The following PRKAG2 variants were observed in gnomAD, a reference collection of about 807,000 sequenced individuals.
PRKAG2 encodes protein kinase AMP-activated non-catalytic subunit gamma 2.
PRKAG2 carries 26 observed loss-of-function variants against 69.6 expected under a neutral mutation model. The ratio of observed to expected loss-of-function variants is 0.37; its 90% CI spans 0.27 to 0.52. The LOEUF (loss-of-function observed/expected upper bound fraction) is 0.52. Ranked by LOEUF, PRKAG2 falls within the 20% of genes least tolerant of loss-of-function variation. The probability of loss-of-function intolerance (pLI) is 0.90; values close to 1 mark genes in which losing one functional copy is unlikely to be tolerated. For missense variants in PRKAG2, 557 were observed against 740.0 expected (o/e 0.75, Z 2.87); for synonymous variants, 293 against 285.0 (o/e 1.03, Z -0.28).
chr7:151,706,784 C>A (rs542601716), intron 3 of PRKAG2, among the ~76,000 whole-genome samples: 4 of 152,232 alleles, frequency 2.6e-5, no homozygotes, highest in African/African-American at 9.6e-5. Flanking sequence ...GTCTAGAATA[C>A]GTTCCGGCAA....
intron 4 of PRKAG2, among the ~76,000 whole-genome samples, chr7:151,672,406 G>T (rs552524531): frequency 4.1e-4 from 62 of 152,252 alleles, no homozygotes; most frequent in Non-Finnish European, 6.2e-4. Flanking sequence ...CCATTCGAAC[G>T]ATTTTCAAGT....
chr7:151,664,655 T>C (rs1440327540), intron 4 of PRKAG2, among the ~76,000 whole-genome samples: 1 of 152,238 alleles, frequency 6.6e-6, no homozygotes, highest in Non-Finnish European at 1.5e-5. Flanking sequence ...TAAGGTCTAC[T>C]GCATACCTAG....
At chr7:151,862,248 G>A (rs2079948496) in intron 1 of PRKAG2, among the ~76,000 whole-genome samples, 1 of 152,116 alleles carries the variant, frequency 6.6e-6, no homozygotes, top group Admixed American at 6.6e-5. Flanking sequence ...CAAGTGGGAG[G>A]TGAAGGAAAA....
rs888650460 is a variant in PRKAG2 at position 151,788,070 on chromosome 7, C to T, written c.115-1529G>A. 2.6e-5 allele frequency among the ~76,000 whole-genome samples: 4 copies of T among 152,160 alleles called. No individual in the cohort carries two copies. Among genetic ancestry groups the T allele is most frequent in the African/African-American group, 4.8e-5 (2 of 41,434 alleles). Reference sequence around the variant, plus strand: ...CTAGCAAACCAATATAATAGGTGTACGAATATCTCTTCAGGACCCTGCTTT... The same window carrying T: ...CTAGCAAACCAATATAATAGGTGTATGAATATCTCTTCAGGACCCTGCTTT... On this transcript the variant is annotated intron_variant, in intron 1 of 15. Coordinates refer to ENST00000287878, the MANE Select transcript of PRKAG2 (RefSeq NM_016203.4). This position sits in a 1 kb window ranked among gnomAD's most constrained non-coding sequence, Gnocchi z 4.6.
intron 1 of PRKAG2, chr7:151,810,388 A>T (rs1250575119): frequency 6.6e-6 from 1 of 152,294 alleles, no homozygotes; most frequent in Non-Finnish European, 1.5e-5. Context: ...CTGATTCTGC[A>T]GCTGGTTCTC....
chr7:151,799,185 T>C (rs60146500), intron 1 of PRKAG2, among the ~76,000 whole-genome samples: 25,108 of 152,168 alleles, frequency 0.17, 2,455 homozygotes, highest in Non-Finnish European at 0.23. Flanking sequence ...GGCCCTTCTG[T>C]TACAGGTGGG....
rs1235585524 is a variant in PRKAG2, at chr7:151,771,271, A to G, written c.466+9881T>C. ...TTTACATTTTTGGCATTTTAAAATA[A>G]AACATTATATCACTTCTATCAGCAC... On this transcript the variant is annotated intron_variant, in intron 3 of 15. Coordinates refer to ENST00000287878, the MANE Select transcript of PRKAG2 (RefSeq NM_016203.4). This position sits in a 1 kb window ranked among gnomAD's most constrained non-coding sequence, Gnocchi z 4.0. Among the ~76,000 whole-genome samples the G allele has an allele frequency of 6.6e-6, 1 of 152,214 alleles. No homozygotes were observed. The highest frequency in any genetic ancestry group is 2.4e-5 in the African/African-American group (1 of 41,450).
chr7:151,872,897 C>T (rs1162846687), intron 1 of PRKAG2, among the ~76,000 whole-genome samples: 1 of 152,246 alleles, frequency 6.6e-6, no homozygotes, highest in African/African-American at 2.4e-5. Context: ...AGGAGGGGGT[C>T]CTCACGCCTT....
At position 151,808,673 on chromosome 7, in the gene PRKAG2, C is replaced by T. The variant is rs551272056; in HGVS notation, c.115-22132G>A. On this transcript the variant is annotated intron_variant, in intron 1 of 15. Coordinates refer to ENST00000287878, the MANE Select transcript of PRKAG2 (RefSeq NM_016203.4). Reference sequence around the variant, plus strand: ...GGGAGATGGTTCTCATAGATCAAGTCGGGCTTTGAGAAGGAAGGTGAACAG... The same window carrying T: ...GGGAGATGGTTCTCATAGATCAAGTTGGGCTTTGAGAAGGAAGGTGAACAG... Among the ~76,000 whole-genome samples the T allele has an allele frequency of 7.9e-5, 12 of 151,668 alleles. No homozygotes were observed. In the South Asian group the frequency reaches 1.5e-3, roughly 18 times the overall value.
Position 151,574,903 on chromosome 7 carries a change from A to G in PRKAG2, c.993T>C (p.Tyr331=), listed in dbSNP as rs397517284. The change falls in exon 8 of 16, where the codon TAT becomes TAC. Residue 331 remains tyrosine, a synonymous_variant. Transcript: ENST00000287878. ...TDFINILHRY[Y]KSPMVQIYEL... is the part of the protein sequence containing the mutation. The stretch of plus-strand genomic sequence containing the variant: ...TGGTGCCACTTACCATAGGTGATTT[A>G]TAGTATCTATGTAGTATATTTATGA... 76 of 1,613,702 alleles carry G rather than the reference A, an allele frequency of 4.7e-5. 1 individual carries two copies. The South Asian group carries it at 8.3e-4, about 18-fold the overall frequency.
At chr7:151,562,892 T>C (rs1033282959) in intron 14 of PRKAG2, among the ~76,000 whole-genome samples, 6 of 150,928 alleles carry the variant, frequency 4.0e-5, no homozygotes, top group African/African-American at 7.3e-5. Context: ...GAGGCGGAGC[T>C]TGCAGTGAGC....
chr7:151,640,451 C>T (rs915124112), intron 4 of PRKAG2, among the ~76,000 whole-genome samples: 1 of 152,278 alleles, frequency 6.6e-6, no homozygotes, highest in East Asian at 1.9e-4. Context: ...CTTGCCATGT[C>T]CCTCTGTGTA....
At chr7:151,709,856 A>G (rs1839280774) in intron 3 of PRKAG2, among the ~76,000 whole-genome samples, 1 of 152,014 alleles carries the variant, frequency 6.6e-6, no homozygotes, top group South Asian at 2.1e-4. Context: ...ATTGAGTGAC[A>G]GTGACGAGTG....
intron 1 of PRKAG2, among the ~76,000 whole-genome samples, chr7:151,845,648 C>T (rs973238762): frequency 5.9e-5 from 9 of 152,092 alleles, no homozygotes; most frequent in African/African-American, 2.2e-4. Flanking sequence ...TTTTCAGATG[C>T]CTGCCTCCCT....
At position 151,675,572 on chromosome 7, in the gene PRKAG2, C is replaced by T. The variant is rs397517273; in HGVS notation, c.532G>A (p.Glu178Lys). The change falls in exon 4 of 16, where the codon GAA (glutamate) becomes AAA (lysine). Residue 178 changes from glutamate (E) to lysine (K), a missense_variant. Glu to Lys is a moderately conservative substitution (Grantham distance 56). This residue lies in a region of PRKAG2 where 352 missense variants were observed against 356.7 expected (regional missense o/e 0.99). Transcript: ENST00000287878. Reference protein sequence around the residue: ...QVTKQHTFPLESYKHEPERLE... With the variant: ...QVTKQHTFPLKSYKHEPERLE... ...CGTTCAGGCTCGTGCTTATAGGATT[C>T]CAGGGGAAACGTGTGCTGCTTGGTC... The T allele has an allele frequency of 4.3e-6, 7 of 1,614,104 alleles. No individual in the cohort carries two copies. The highest frequency in any genetic ancestry group is 5.9e-6 in the Non-Finnish European group (7 of 1,179,980).
chr7:151,557,118 C>G lies in PRKAG2; in HGVS notation c.*83G>C. ...AAACCCTGATATACATTCTTAACCA[C>G]TTGCAGCCAGTGTTCATGAGGCAAA... is the stretch of plus-strand genomic sequence containing the variant. On this transcript the variant is annotated 3_prime_UTR_variant, in exon 16 of 16. Coordinates refer to ENST00000287878, the MANE Select transcript of PRKAG2 (RefSeq NM_016203.4). The G allele has an allele frequency of 1.3e-6, 2 of 1,597,884 alleles. No homozygotes were observed. The highest frequency in any genetic ancestry group is 1.1e-5 in the South Asian group (1 of 90,730).
chr7:151,710,798 G>T (rs912360758), intron 3 of PRKAG2, among the ~76,000 whole-genome samples: 1 of 152,180 alleles, frequency 6.6e-6, no homozygotes, highest in African/African-American at 2.4e-5. Context: ...TAGGCTCCAC[G>T]AAGCCAGGGA....
At position 151,614,525 on chromosome 7, in the gene PRKAG2, C is replaced by T. The variant is rs772636470; in HGVS notation, c.754+17544G>A. ...GTCTCTGAGACCCTGCTCCCTCCAT[C>T]GTGACTCTCCGTCCCATCCCTGCGT... is the stretch of plus-strand genomic sequence containing the variant. On this transcript the variant is annotated intron_variant, in intron 5 of 15. Coordinates refer to ENST00000287878, the MANE Select transcript of PRKAG2 (RefSeq NM_016203.4). This position sits in a 1 kb window ranked among gnomAD's most constrained non-coding sequence, Gnocchi z 4.4. Among the ~76,000 whole-genome samples the T allele has an allele frequency of 1.3e-5, 2 of 152,132 alleles. No homozygotes were observed. Among genetic ancestry groups the T allele is most frequent in the East Asian group, 1.9e-4 (1 of 5,168 alleles).
intron 5 of PRKAG2, among the ~76,000 whole-genome samples, chr7:151,597,168 C>T (rs907525714): frequency 1.6e-4 from 24 of 152,176 alleles, no homozygotes; most frequent in African/African-American, 4.8e-4. Context: ...AGAATACACA[C>T]CGGGCAAAGG....
Sources: allele counts gnomAD v4.1 joint callset (sites outside exome capture counted in the v4.1 genomes callset), GRCh38; gene constraint gnomAD v4.1.1; regional missense constraint gnomAD v4.1.1; non-coding constraint Gnocchi (gnomAD v3.1); transcripts MANE v1.5; gene names NCBI Gene and HGNC (gene_info 2026-07-23, HGNC 2026-07-21).